The following ANK3 variants were observed in gnomAD, a reference collection of about 807,000 sequenced individuals.
ANK3 encodes ankyrin-3.
ANK3 carries 57 observed loss-of-function variants against 370.9 expected under a neutral mutation model. The observed-to-expected ratio is 0.15, with a 90% CI of 0.12 to 0.19. The LOEUF (loss-of-function observed/expected upper bound fraction) is 0.19. Among genes scored for constraint, ANK3 ranks in the 10% least tolerant of loss-of-function variants. ANK3 has a pLI of 1.00. For missense variants in ANK3, 4,439 were observed against 5,302.1 expected, an observed-to-expected ratio of 0.84 and a Z score of 5.06; for synonymous variants, 1,929 against 1,946.3, an observed-to-expected ratio of 0.99 and a Z score of 0.23.
chr10:60,428,900 G>C (rs2132971706), intron 2 of ANK3, among the ~76,000 whole-genome samples: 1 of 152,268 alleles, frequency 6.6e-6, no homozygotes, highest in South Asian at 2.1e-4. Context: ...TTGTGAGGAA[G>C]ATAATTCACA....
chr10:60,058,011 T>TCTTGTGTCCAATTTAATCA (rs1246379368), intron 41 of ANK3, among the ~76,000 whole-genome samples: 4 of 152,332 alleles, frequency 2.6e-5, no homozygotes, highest in African/African-American at 9.6e-5. Context: ...AAATAAGTTC[T>TCTTGTGTCCAATTTAATCA]CTTGTGTCCA....
intron 1 of ANK3, among the ~76,000 whole-genome samples, chr10:60,384,649 TA>T (rs962712493): frequency 6.6e-6 from 1 of 152,098 alleles, no homozygotes; most frequent in African/African-American, 2.4e-5. Context: ...ATGGGGATAA[TA>T]AAAAAATACT....
At chr10:60,700,875 T>C (rs2079536930) in intron 1 of ANK3, among the ~76,000 whole-genome samples, 1 of 151,900 alleles carries the variant, frequency 6.6e-6, no homozygotes, top group Non-Finnish European at 1.5e-5. Context: ...AATCAAGGAA[T>C]GGAGAAAACT....
chr10:60,571,337 A>T (rs914836796), intron 2 of ANK3, among the ~76,000 whole-genome samples: 5 of 152,204 alleles, frequency 3.3e-5, no homozygotes, highest in African/African-American at 1.2e-4. Context: ...AGAACATCAT[A>T]TTCAAATTAA....
chr10:60,082,393 G>A (rs544354206), intron 34 of ANK3: 23 of 687,280 alleles, frequency 3.3e-5, no homozygotes, highest in African/African-American at 9.1e-5. Flanking sequence ...AAATCTATGC[G>A]CTACCAGCAG....
At chr10:60,245,163 C>T (rs1405024659) in intron 7 of ANK3, among the ~76,000 whole-genome samples, 2 of 150,676 alleles carry the variant, frequency 1.3e-5, no homozygotes, top group Admixed American at 6.6e-5. Context: ...AGCGAGACTC[C>T]GTCTAAAAAA....
chr10:60,541,464 G>A (rs556962279), intron 2 of ANK3, among the ~76,000 whole-genome samples: 3 of 151,958 alleles, frequency 2.0e-5, no homozygotes, highest in Non-Finnish European at 2.9e-5. Flanking sequence ...ATAATATTAC[G>A]TTTTCTTTCT....
chr10:60,204,115 G>T (rs1425394356), intron 11 of ANK3, among the ~76,000 whole-genome samples: 1 of 152,136 alleles, frequency 6.6e-6, no homozygotes, highest in African/African-American at 2.4e-5. Context: ...TCAAAGTGAG[G>T]TAAAAGACAG....
chr10:60,357,386 G>A (rs2057926136), intron 1 of ANK3, among the ~76,000 whole-genome samples: 2 of 151,942 alleles, frequency 1.3e-5, no homozygotes, highest in African/African-American at 2.4e-5. Flanking sequence ...TCCAGACTCC[G>A]CCTATCCATC....
intron 15 of ANK3, 110 bp from the exon 16 acceptor site, chr10:60,196,353 C>A: frequency 1.9e-6 from 2 of 1,061,224 alleles, no homozygotes; most frequent in African/African-American, 3.2e-5. Context: ...TATTTACATT[C>A]CGGTTTCCAC....
chr10:60,733,132 C>T, intron 1 of ANK3: 1 of 745,908 alleles, frequency 1.3e-6, no homozygotes. Context: ...CCCGGAGCCT[C>T]GCGGCGCCGC....
chr10:60,114,577 G>T (rs1339074545), intron 25 of ANK3, among the ~76,000 whole-genome samples: 1 of 152,172 alleles, frequency 6.6e-6, no homozygotes, highest in Non-Finnish European at 1.5e-5. Context: ...ACATGGCAAA[G>T]AAATATCACA....
intron 23 of ANK3, chr10:60,141,028 G>A (rs2094535476): frequency 2.0e-6 from 2 of 985,358 alleles, no homozygotes; most frequent in Non-Finnish European, 2.4e-6. Flanking sequence ...GGAACACTGG[G>A]AGCCTCAGTT....
intron 7 of ANK3, among the ~76,000 whole-genome samples, chr10:60,246,309 T>C (rs1397510333): frequency 6.7e-6 from 1 of 150,268 alleles, no homozygotes; most frequent in Non-Finnish European, 1.5e-5. Context: ...TGATCACCAT[T>C]GTAAGTTTTT....
chr10:60,328,781 G>A (rs1033740813), intron 1 of ANK3, among the ~76,000 whole-genome samples: 1 of 152,172 alleles, frequency 6.6e-6, no homozygotes, highest in Admixed American at 6.5e-5. Flanking sequence ...CTCATTTTAT[G>A]AGGCCAGCAC....
chr10:60,030,516 T>C (rs2073215801), intron 43 of ANK3, among the ~76,000 whole-genome samples: 1 of 152,180 alleles, frequency 6.6e-6, no homozygotes, highest in Non-Finnish European at 1.5e-5. Flanking sequence ...GGTCACATAA[T>C]GTGAGCATGC....
chr10:60,218,161 G>C (rs1368313217), intron 8 of ANK3, among the ~76,000 whole-genome samples: 5 of 79,068 alleles, frequency 6.3e-5, no homozygotes, highest in Admixed American at 3.2e-4. Context: ...CCTTTATTTT[G>C]AGCCTATGTG....
chr10:60,721,319 G>T (rs1256994552), intron 1 of ANK3, among the ~76,000 whole-genome samples: 1 of 152,172 alleles, frequency 6.6e-6, no homozygotes, highest in African/African-American at 2.4e-5. Flanking sequence ...TTAGCAGAGA[G>T]AAGACTTGTA....
intron 36 of ANK3, among the ~76,000 whole-genome samples, chr10:60,080,098 A>G (rs950302746): frequency 6.6e-6 from 1 of 152,134 alleles, no homozygotes; most frequent in African/African-American, 2.4e-5. Flanking sequence ...GTGGGAAGAA[A>G]AAGAATCGGG....
Sources: gnomAD v4.1 joint callset for allele counts (sites outside exome capture counted in the v4.1 genomes callset) on GRCh38, gnomAD v4.1.1 for gene constraint, MANE v1.5 for transcripts, NCBI Gene and HGNC (gene_info 2026-07-23, HGNC 2026-07-21) for gene names.